ZNF573: variants seen among roughly 807,000 people sequenced by gnomAD.
The protein encoded by ZNF573 is zinc finger protein 573.
A neutral mutation model predicts 57.4 loss-of-function variants in ZNF573; 41 were observed. The ratio of observed to expected loss-of-function variants is 0.71; its 90% CI spans 0.56 to 0.93. ZNF573 has a LOEUF of 0.93. Among genes scored for constraint, ZNF573 ranks in the 40% least tolerant of loss-of-function variants. The pLI is 0.00. For missense variants in ZNF573, 730 were observed against 794.8 expected (o/e 0.92, Z 0.98); for synonymous variants, 249 against 261.0 (o/e 0.95, Z 0.44).
chr19:37,768,395 C>T (rs2045620951), intron 4 of ZNF573, among the ~76,000 whole-genome samples: 1 of 152,156 alleles, frequency 6.6e-6, no homozygotes, highest in East Asian at 1.9e-4. Context: ...TCACATAGCT[C>T]TCTCTATTAC....
At chr19:37,761,006 T>A (rs2045547191) in intron 4 of ZNF573, among the ~76,000 whole-genome samples, 1 of 152,044 alleles carries the variant, frequency 6.6e-6, no homozygotes, top group Non-Finnish European at 1.5e-5. Context: ...AAGACCAGCC[T>A]GGTCAACATG....
In ZNF573 at chr19:37,771,675, T is replaced by G; in HGVS notation, c.91A>C (p.Arg31=). 6.3e-7 allele frequency: 1 copy of G among 1,592,560 alleles called. No individual in the cohort carries two copies. The highest frequency in any genetic ancestry group is 8.5e-7 in the Non-Finnish European group (1 of 1,173,916). ...MTCFQELVTF[R]DVAIDFSRQE... The stretch of plus-strand genomic sequence containing the variant: ...CGAGAGAAGTCTATGGCCACATCCC[T>G]GAATGTCACTAATTCCTGAAACTGC... Residue 31 remains arginine (R), a synonymous_variant, in exon 3 of 5, where the codon AGG becomes CGG. Transcript: ENST00000536220.
intron 4 of ZNF573, chr19:37,740,532 T>C (rs2045317706): frequency 4.4e-6 from 2 of 458,192 alleles, no homozygotes; most frequent in African/African-American, 4.0e-5. Flanking sequence ...AACCTATCAC[T>C]GATTTAGATG....
chr19:37,765,227 G>C (rs1375105211), intron 4 of ZNF573, among the ~76,000 whole-genome samples: 1 of 151,942 alleles, frequency 6.6e-6, no homozygotes. Flanking sequence ...CTGGTAAAAA[G>C]CCTATAACAA....
At chr19:37,758,222 T>A (rs1335802586) in intron 4 of ZNF573, among the ~76,000 whole-genome samples, 6,447 of 16,116 alleles carry the variant, frequency 0.4, 1,332 homozygotes, top group Non-Finnish European at 0.51. Context: ...TATATATATA[T>A]ATATATATAT....
intron 4 of ZNF573, among the ~76,000 whole-genome samples, chr19:37,769,768 C>T (rs995986496): frequency 1.3e-5 from 2 of 148,796 alleles, no homozygotes; most frequent in African/African-American, 4.9e-5. Flanking sequence ...AAAAAGAAAG[C>T]CCCATCACTG....
chr19:37,739,051 C>G lies in ZNF573; in HGVS notation c.1439G>C (p.Ser480Thr). 6.2e-7 allele frequency: 1 copy of G among 1,613,128 alleles called. No individual in the cohort carries two copies. The highest frequency in any genetic ancestry group is 8.5e-7 in the Non-Finnish European group (1 of 1,179,710). The change falls in exon 5 of 5, where the codon AGT (serine) becomes ACT (threonine). Residue 480 changes from serine to threonine, a missense_variant. Transcript: ENST00000536220. ...FECQECGKAYSTGSNLIQHRK... is the reference protein window; with the variant it reads ...FECQECGKAYTTGSNLIQHRK... ...ATGTTGAATAAGGTTTGAGCCAGTA[C>G]TATAGGCCTTCCCACATTCCTGACA...
intron 4 of ZNF573, among the ~76,000 whole-genome samples, chr19:37,753,653 G>A (rs545680898): frequency 2.0e-5 from 3 of 152,182 alleles, no homozygotes; most frequent in Non-Finnish European, 4.4e-5. Context: ...ATATTAAAAA[G>A]CCACTATGTA....
intron 4 of ZNF573, among the ~76,000 whole-genome samples, chr19:37,760,312 G>A (rs1356140008): frequency 6.7e-6 from 1 of 149,056 alleles, no homozygotes; most frequent in Non-Finnish European, 1.5e-5. Context: ...TTAACAACTT[G>A]TAGTACCAGA....
In ZNF573 at chr19:37,738,622, GA is replaced by G; in HGVS notation, c.1867del (p.Ser623GlnfsTer41). 6.2e-7 allele frequency: 1 copy of G among 1,612,058 alleles called. No homozygotes were observed. ...KECGKAFSRA[S>X]NLVQHERIHT... The stretch of plus-strand genomic sequence containing the variant: ...AATTCTCTCATGTTGAACAAGGTTT[GA>G]AGCACGACTGAAGGCCTTCCCACAT... On this transcript the variant is annotated frameshift_variant, in exon 5 of 5. Transcript: ENST00000536220. LOFTEE classifies it high-confidence loss of function.
At position 37,738,477 on chromosome 19, in the gene ZNF573, G is replaced by A. The variant is rs1291; in HGVS notation, c.*15C>T. The A allele has an allele frequency of 0.78, 1,174,210 of 1,511,146 alleles. 467,439 individuals are homozygous for A. Among genetic ancestry groups the A allele is most frequent in the Non-Finnish European group, 0.83 (934,306 of 1,131,866 alleles). The allele number at this position is 1,511,146 out of a possible 1,614,324, so 93.6% of individuals were successfully genotyped here. ...CTGTCTGATGATGAATGGCGCGCTCGTACTCTTTACGGTCTTACACTTTTA... is the reference window on the plus strand; with the variant it reads ...CTGTCTGATGATGAATGGCGCGCTCATACTCTTTACGGTCTTACACTTTTA... On this transcript the variant is annotated 3_prime_UTR_variant, in exon 5 of 5. Coordinates refer to ENST00000536220, the MANE Select transcript of ZNF573 (RefSeq NM_001172690.2).
intron 4 of ZNF573, among the ~76,000 whole-genome samples, chr19:37,753,304 G>GTAA (rs1463398608): frequency 3.3e-5 from 5 of 152,044 alleles, no homozygotes; most frequent in African/African-American, 1.2e-4. Flanking sequence ...CATACAATGT[G>GTAA]TAATAATCAC....
chr19:37,744,771 A>G (rs1467136515), intron 4 of ZNF573, among the ~76,000 whole-genome samples: 3 of 151,508 alleles, frequency 2.0e-5, no homozygotes. Context: ...AAAAAAAAGA[A>G]AAAAGAAAAA....
In ZNF573 at chr19:37,739,074, A is replaced by G; in HGVS notation, c.1416T>C (p.Cys472=). The change falls in exon 5 of 5, where the codon TGT becomes TGC. Residue 472 remains cysteine, a synonymous_variant. Coordinates refer to ENST00000536220, the MANE Select transcript of ZNF573 (RefSeq NM_001172690.2). ...NIHTGKKLFE[C]QECGKAYSTG... ...TACTATAGGCCTTCCCACATTCCTG[A>G]CATTCAAAAAGTTTCTTACCAGTGT... 1 of 1,612,964 alleles carries G rather than the reference A, an allele frequency of 6.2e-7. No individual in the cohort carries two copies. The highest frequency in any genetic ancestry group is 8.5e-7 in the Non-Finnish European group (1 of 1,179,698).
intron 2 of ZNF573, chr19:37,772,976 C>T (rs2045673362): frequency 2.0e-6 from 2 of 985,012 alleles, no homozygotes; most frequent in Non-Finnish European, 1.2e-6. Flanking sequence ...AAAGGTCTTC[C>T]CCAGTTCTGG....
intron 2 of ZNF573, chr19:37,773,010 G>GA (rs140702753): frequency 0.17 from 166,893 of 977,734 alleles, 14,778 homozygotes; most frequent in Middle Eastern, 0.27. Flanking sequence ...TACTCCTTAG[G>GA]ATAATATTCT....
Position 37,738,377 on chromosome 19 carries a change from C to A in ZNF573, c.*115G>T. 1.8e-6 allele frequency: 2 copies of A among 1,135,208 alleles called. No individual in the cohort carries two copies. Among genetic ancestry groups the A allele is most frequent in the Admixed American group, 2.8e-5 (1 of 35,398 alleles). The allele number at this position is 1,135,208 out of a possible 1,614,324, so 70.3% of individuals were successfully genotyped here. A position where few individuals can be genotyped will look rare whatever the true frequency, so the allele number is the denominator to read the frequency against. On this transcript the variant is annotated 3_prime_UTR_variant, in exon 5 of 5. Transcript: ENST00000536220. ...TGAATGCTTTCTAATGTGGCAAGAT[C>A]TGCATTTTGAACTCTCTCAATTGCT...
At position 37,739,611 on chromosome 19, in the gene ZNF573, C is replaced by T. The variant is rs756582159; in HGVS notation, c.879G>A (p.Gly293=). The change falls in exon 5 of 5, where the codon GGG becomes GGA. Residue 293 remains glycine, a synonymous_variant. Coordinates refer to ENST00000536220, the MANE Select transcript of ZNF573 (RefSeq NM_001172690.2). ...FSRRSNLVEH[G]QFHTDEKPYI... Reference sequence around the variant, plus strand: ...ATGGCTTCTCATCAGTATGAAACTGCCCATGTTCAACAAGATTTGAGCGCC... The same window carrying T: ...ATGGCTTCTCATCAGTATGAAACTGTCCATGTTCAACAAGATTTGAGCGCC... The T allele has an allele frequency of 3.2e-5, 52 of 1,614,040 alleles. No individual in the cohort carries two copies. Among genetic ancestry groups the T allele is most frequent in the South Asian group, 4.4e-5 (4 of 91,072 alleles).
intron 4 of ZNF573, among the ~76,000 whole-genome samples, chr19:37,745,280 T>C (rs1213646172): frequency 1.3e-5 from 2 of 152,144 alleles, no homozygotes; most frequent in Non-Finnish European, 2.9e-5. Flanking sequence ...TTTCGCCATG[T>C]TGGCCAGGCT....
Sources: allele counts gnomAD v4.1 joint callset (sites outside exome capture counted in the v4.1 genomes callset), GRCh38; gene constraint gnomAD v4.1.1; transcripts MANE v1.5; gene names NCBI Gene and HGNC (gene_info 2026-07-23, HGNC 2026-07-21).